Variants in HS6ST1 observed in about 807,000 individuals in gnomAD.
HS6ST1 encodes heparan sulfate 6-O-sulfotransferase 1.
HS6ST1 carries 3 observed loss-of-function variants against 25.2 expected under a neutral mutation model. The observed-to-expected ratio is 0.12, with a 90% CI of 0.05 to 0.31. The LOEUF is 0.31. Among genes scored for constraint, HS6ST1 ranks in the 10% least tolerant of loss-of-function variants. HS6ST1 has a pLI of 1.00. For synonymous variants in HS6ST1, 204 were observed against 275.1 expected, an observed-to-expected ratio of 0.74 and a Z score of 2.56; for missense variants, 310 against 609.6, an observed-to-expected ratio of 0.51 and a Z score of 5.18.
intron 1 of HS6ST1, among the ~76,000 whole-genome samples, chr2:128,295,781 C>T (rs1283931736): frequency 6.6e-6 from 1 of 152,174 alleles, no homozygotes; most frequent in Non-Finnish European, 1.5e-5. Flanking sequence ...ATCATCTCAA[C>T]TGATGCAGAA....
intron 1 of HS6ST1, among the ~76,000 whole-genome samples, chr2:128,291,460 G>A (rs1000547102): frequency 6.6e-6 from 1 of 152,256 alleles, no homozygotes; most frequent in African/African-American, 2.4e-5. Flanking sequence ...TCCTCACTGT[G>A]TCTCTTGGGG....
At chr2:128,284,874 C>T (rs999404942) in intron 1 of HS6ST1, among the ~76,000 whole-genome samples, 8 of 152,182 alleles carry the variant, frequency 5.3e-5, no homozygotes, top group East Asian at 1.9e-4. Flanking sequence ...AGGGACCCCA[C>T]GGCTGCAGAC....
chr2:128,279,784 A>G (rs1693752122), intron 1 of HS6ST1, among the ~76,000 whole-genome samples: 1 of 152,212 alleles, frequency 6.6e-6, no homozygotes. Flanking sequence ...CAACAGAGCG[A>G]GACTTTGTCT....
intron 1 of HS6ST1, among the ~76,000 whole-genome samples, chr2:128,309,131 G>A (rs1694252410): frequency 1.3e-5 from 2 of 152,224 alleles, no homozygotes; most frequent in Non-Finnish European, 2.9e-5. Context: ...CCCCTGGTAT[G>A]GTCCCGGGGT....
intron 1 of HS6ST1, among the ~76,000 whole-genome samples, chr2:128,311,537 G>A (rs1156550670): frequency 6.6e-6 from 1 of 152,226 alleles, no homozygotes; most frequent in Non-Finnish European, 1.5e-5. Flanking sequence ...ACCAAGTGGG[G>A]ATTGAGCCCA....
intron 1 of HS6ST1, among the ~76,000 whole-genome samples, chr2:128,274,996 G>A (rs1007445306): frequency 2.0e-5 from 3 of 150,032 alleles, no homozygotes; most frequent in Admixed American, 2.0e-4. Flanking sequence ...AAAAGGAGTT[G>A]GGGTGGAGGG....
chr2:128,304,838 G>A (rs1406424230), intron 1 of HS6ST1, among the ~76,000 whole-genome samples: 1 of 152,218 alleles, frequency 6.6e-6, no homozygotes, highest in South Asian at 2.1e-4. Flanking sequence ...CTCAGGAATG[G>A]CTACCTTCCT....
intron 1 of HS6ST1, among the ~76,000 whole-genome samples, chr2:128,317,576 A>G (rs1694391929): frequency 6.6e-6 from 1 of 152,214 alleles, no homozygotes; most frequent in Non-Finnish European, 1.5e-5. Context: ...CTCCAGGCAC[A>G]GGGGCGGCAC....
At chr2:128,302,358 T>C (rs981203753) in intron 1 of HS6ST1, among the ~76,000 whole-genome samples, 2 of 152,164 alleles carry the variant, frequency 1.3e-5, no homozygotes, top group African/African-American at 2.4e-5. Flanking sequence ...TGTTTACTGA[T>C]GTGTACGTGG....
At chr2:128,294,992 C>T (rs1694019813) in intron 1 of HS6ST1, among the ~76,000 whole-genome samples, 1 of 152,184 alleles carries the variant, frequency 6.6e-6, no homozygotes, top group South Asian at 2.1e-4. Context: ...CAAACCACCT[C>T]CCCCTCTTGG....
At position 128,300,221 on chromosome 2, in the gene HS6ST1, T is replaced by C. The variant is rs145289030; in HGVS notation, c.527+17816A>G. On this transcript the variant is annotated intron_variant, in intron 1 of 1. Transcript: ENST00000259241. Reference sequence around the variant, plus strand: ...CATTAAGCTGAGGGCATAGCTGGCATGGACGAGGCTGTGCAGGAGGCCCAC... The same window carrying C: ...CATTAAGCTGAGGGCATAGCTGGCACGGACGAGGCTGTGCAGGAGGCCCAC... Among the ~76,000 whole-genome samples, 520 of 152,288 alleles carry C rather than the reference T, an allele frequency of 3.4e-3. 3 individuals carry two copies. Among genetic ancestry groups the C allele is most frequent in the African/African-American group, 0.012 (490 of 41,546 alleles).
intron 1 of HS6ST1, among the ~76,000 whole-genome samples, chr2:128,288,992 T>C (rs1693908913): frequency 6.6e-6 from 1 of 152,142 alleles, no homozygotes; most frequent in Non-Finnish European, 1.5e-5. Flanking sequence ...GAAGAGGGGC[T>C]GACACCTGCT....
At chr2:128,272,269 C>A (rs1051614578) in intron 1 of HS6ST1, among the ~76,000 whole-genome samples, 3 of 152,212 alleles carry the variant, frequency 2.0e-5, no homozygotes, top group Admixed American at 6.5e-5. Context: ...GGGTATATCA[C>A]CCCTGGTCTC....
At chr2:128,294,409 A>C (rs924305054) in intron 1 of HS6ST1, among the ~76,000 whole-genome samples, 10 of 152,122 alleles carry the variant, frequency 6.6e-5, no homozygotes, top group Non-Finnish European at 1.0e-4. Flanking sequence ...CTTTGTTCTC[A>C]GCCTGTCTAC....
At chr2:128,306,524 T>A (rs992925760) in intron 1 of HS6ST1, among the ~76,000 whole-genome samples, 3 of 152,200 alleles carry the variant, frequency 2.0e-5, no homozygotes, top group African/African-American at 7.2e-5. Context: ...CTAAAGCTCA[T>A]AACTCAGAGG....
At chr2:128,307,286 G>A (rs1036444881) in intron 1 of HS6ST1, among the ~76,000 whole-genome samples, 3 of 151,384 alleles carry the variant, frequency 2.0e-5, no homozygotes, top group Non-Finnish European at 4.4e-5. Flanking sequence ...GGAGGATGCT[G>A]GTCAGCTGCC....
At chr2:128,315,871 G>A (rs980914657) in intron 1 of HS6ST1, among the ~76,000 whole-genome samples, 5 of 152,254 alleles carry the variant, frequency 3.3e-5, no homozygotes, top group Non-Finnish European at 7.3e-5. Context: ...ACTGAAGGGA[G>A]TGGAGGCGGA....
Position 128,268,606 on chromosome 2 carries a change from G to A in HS6ST1, c.792C>T (p.Asn264=). The A allele has an allele frequency of 6.2e-7, 1 of 1,607,546 alleles. No homozygotes were observed. The highest frequency in any genetic ancestry group is 8.5e-7 in the Non-Finnish European group (1 of 1,176,994). Residue 264 remains asparagine, a synonymous_variant, in exon 2 of 2, where the codon AAC becomes AAT. Coordinates refer to ENST00000259241, the MANE Select transcript of HS6ST1 (RefSeq NM_004807.3). ...GCTTGCCCTCGGGGATGAAGGACAG[G>A]TTGTAGCAGCCCACCAGGCTCAGGT... is the stretch of plus-strand genomic sequence containing the variant. ...LADLSLVGCY[N]LSFIPEGKRA...
intron 1 of HS6ST1, among the ~76,000 whole-genome samples, chr2:128,274,768 G>A (rs1007557964): frequency 1.3e-5 from 2 of 152,092 alleles, no homozygotes; most frequent in African/African-American, 4.8e-5. Context: ...CTTGAGGTCA[G>A]GAGTTTGAGG....
Sources: allele counts gnomAD v4.1 joint callset (sites outside exome capture counted in the v4.1 genomes callset), GRCh38; gene constraint gnomAD v4.1.1; transcripts MANE v1.5; gene names NCBI Gene and HGNC (gene_info 2026-07-23, HGNC 2026-07-21).